BLTP1: variants seen among roughly 807,000 people sequenced by gnomAD.
BLTP1 encodes the protein fragile site-associated protein.
At chr4:122,207,987 G>T in the BLTP1 span, 1 of 984,826 alleles carries the variant, frequency 1.0e-6, no homozygotes, top group African/African-American at 1.7e-5. Flanking sequence ...TTGTAAACAT[G>T]AATTCAAGGA....
chr4:122,292,639 C>A, the BLTP1 span: 1 of 913,310 alleles, frequency 1.1e-6, no homozygotes, highest in Non-Finnish European at 1.3e-6. Flanking sequence ...AAAGAATCTG[C>A]TTTTAACCAA....
the BLTP1 span, among the ~76,000 whole-genome samples, chr4:122,184,260 C>T: frequency 2.0e-5 from 3 of 152,088 alleles, no homozygotes; most frequent in Non-Finnish European, 2.9e-5. Context: ...ATAAGTTTAG[C>T]CATCTCTGCA....
the BLTP1 span, among the ~76,000 whole-genome samples, chr4:122,212,194 G>A: frequency 6.6e-6 from 1 of 152,076 alleles, no homozygotes; most frequent in Admixed American, 6.6e-5. Flanking sequence ...CTCAATATTT[G>A]AGTTATTATA....
the BLTP1 span, chr4:122,315,639 A>G: frequency 6.2e-7 from 1 of 1,613,960 alleles, no homozygotes; most frequent in African/African-American, 1.3e-5. Context: ...AACATAGCTG[A>G]CCTGTCAGAT....
At chr4:122,264,469 T>A in the BLTP1 span, 1 of 1,499,908 alleles carries the variant, frequency 6.7e-7, no homozygotes, top group Non-Finnish European at 8.9e-7. Flanking sequence ...AATACCTCCT[T>A]AGGCATTGCT....
At chr4:122,251,732 G>T in the BLTP1 span, 2 of 355,302 alleles carry the variant, frequency 5.6e-6, no homozygotes, top group Non-Finnish European at 7.9e-6. Flanking sequence ...TGGGTTCTCT[G>T]ACTTTATTGG....
chr4:122,222,546 A>G, the BLTP1 span, among the ~76,000 whole-genome samples: 2 of 152,150 alleles, frequency 1.3e-5, no homozygotes, highest in Non-Finnish European at 2.9e-5. Context: ...TCCTAAATCA[A>G]GGTGTTGGCA....
At chr4:122,218,486 A>G in the BLTP1 span, among the ~76,000 whole-genome samples, 1 of 152,176 alleles carries the variant, frequency 6.6e-6, no homozygotes, top group Non-Finnish European at 1.5e-5. Context: ...GCCCTTCAAC[A>G]TTATTTCCTA....
the BLTP1 span, chr4:122,280,175 C>T: frequency 4.1e-6 from 4 of 985,170 alleles, no homozygotes; most frequent in East Asian, 1.1e-4. Context: ...AGTACAGTGT[C>T]GTCAGTGCAA....
chr4:122,257,172 T>A, the BLTP1 span: 10 of 1,355,250 alleles, frequency 7.4e-6, no homozygotes, highest in Non-Finnish European at 1.0e-5. Context: ...ATTATGAGAT[T>A]TGAATAAATA....
chr4:122,295,328 G>A, the BLTP1 span, among the ~76,000 whole-genome samples: 4 of 151,942 alleles, frequency 2.6e-5, no homozygotes, highest in Non-Finnish European at 5.9e-5. Flanking sequence ...ATCCAAGGCT[G>A]AAATGAAAGA....
the BLTP1 span, chr4:122,242,941 TATC>T: frequency 1.4e-5 from 14 of 1,026,112 alleles, no homozygotes; most frequent in East Asian, 7.3e-5. Context: ...TATCAGTTGA[TATC>T]ATAAAATTAG....
chr4:122,162,262 A>G, the BLTP1 span, among the ~76,000 whole-genome samples: 1 of 152,240 alleles, frequency 6.6e-6, no homozygotes, highest in Non-Finnish European at 1.5e-5. Flanking sequence ...TTCCCATGAC[A>G]GTGCCAGGGT....
chr4:122,202,783 G>A, the BLTP1 span, among the ~76,000 whole-genome samples: 1 of 151,740 alleles, frequency 6.6e-6, no homozygotes. Context: ...TAGTTACATC[G>A]AAACAGCTAA....
At chr4:122,274,695 T>C in the BLTP1 span, 1 of 921,888 alleles carries the variant, frequency 1.1e-6, no homozygotes, top group Non-Finnish European at 1.3e-6. Flanking sequence ...CAGCCTTTGA[T>C]AATTTAGGTC....
At chr4:122,300,827 A>C in the BLTP1 span, 1 of 692,152 alleles carries the variant, frequency 1.4e-6, no homozygotes, top group South Asian at 6.5e-5. Flanking sequence ...AGGCAGGCAG[A>C]ATGTTTTCAA....
the BLTP1 span, chr4:122,291,920 G>T: frequency 1.6e-6 from 1 of 631,244 alleles, no homozygotes; most frequent in Non-Finnish European, 2.0e-6. Context: ...GTTGTGATAG[G>T]CAAACAAAAC....
At chr4:122,317,735 G>T in the BLTP1 span, among the ~76,000 whole-genome samples, 1 of 151,834 alleles carries the variant, frequency 6.6e-6, no homozygotes, top group Non-Finnish European at 1.5e-5. Context: ...ATCATGCAGT[G>T]ATTCACATTT....
At chr4:122,240,044 G>T in the BLTP1 span, 1 of 1,614,156 alleles carries the variant, frequency 6.2e-7, no homozygotes, top group Non-Finnish European at 8.5e-7. Flanking sequence ...CCAGAACTCT[G>T]CCATTCAAAA....
Sources: gnomAD v4.1 joint callset for allele counts (sites outside exome capture counted in the v4.1 genomes callset) on GRCh38, gnomAD v4.1.1 for gene constraint, MANE v1.5 for transcripts, NCBI Gene and HGNC (gene_info 2026-07-23, HGNC 2026-07-21) for gene names.